The following CCSER1 variants were observed in gnomAD, a reference collection of about 807,000 sequenced individuals.
CCSER1 encodes the protein coiled-coil serine rich protein 1.
A neutral mutation model predicts 82.0 loss-of-function variants in CCSER1; 41 were observed. The ratio of observed to expected loss-of-function variants is 0.50; its 90% confidence interval spans 0.39 to 0.65. CCSER1 has a LOEUF of 0.65. CCSER1 is among the 30% of genes least tolerant of loss of function. The pLI is 0.00. For missense variants in CCSER1, 1,119 were observed against 1,064.2 expected (o/e 1.05, Z -0.72); for synonymous variants, 414 against 383.9 (o/e 1.08, Z -0.92).
At chr4:90,918,186 G>C (rs1253503825) in intron 8 of CCSER1, 1 of 441,362 alleles carries the variant, frequency 2.3e-6, no homozygotes, top group African/African-American at 2.0e-5. Context: ...ACTAGTGTCT[G>C]TTAATTGTAT....
At chr4:90,247,982 A>G (rs1435713397) in intron 1 of CCSER1, among the ~76,000 whole-genome samples, 2 of 152,180 alleles carry the variant, frequency 1.3e-5, no homozygotes, top group African/African-American at 4.8e-5. Context: ...GTCAAAAAAT[A>G]CGACAGAGAC....
intron 1 of CCSER1, among the ~76,000 whole-genome samples, chr4:90,228,740 G>T (rs1743790954): frequency 6.6e-6 from 1 of 152,160 alleles, no homozygotes; most frequent in South Asian, 2.1e-4. Flanking sequence ...TTAGAAGAAT[G>T]TATAACTAGA....
chr4:91,322,319 ATAATG>A (rs1428684681), intron 10 of CCSER1, among the ~76,000 whole-genome samples: 1 of 152,114 alleles, frequency 6.6e-6, no homozygotes, highest in East Asian at 1.9e-4. Context: ...TCCCAATTCA[ATAATG>A]TAAACAATTG....
At chr4:90,616,083 T>G (rs1721130682) in intron 5 of CCSER1, among the ~76,000 whole-genome samples, 1 of 152,240 alleles carries the variant, frequency 6.6e-6, no homozygotes, top group African/African-American at 2.4e-5. Flanking sequence ...AATAAATTAT[T>G]TTTAAATTAA....
chr4:90,510,067 T>G (rs546384360), intron 5 of CCSER1, among the ~76,000 whole-genome samples: 42 of 152,260 alleles, frequency 2.8e-4, no homozygotes, highest in African/African-American at 9.9e-4. Flanking sequence ...CATTTCTCCT[T>G]AGATGTGCTC....
chr4:90,701,619 A>G (rs1265845832), intron 6 of CCSER1, among the ~76,000 whole-genome samples: 2 of 152,236 alleles, frequency 1.3e-5, no homozygotes, highest in African/African-American at 2.4e-5. Context: ...ACCCATGAGC[A>G]TGGAATGTTC....
intron 10 of CCSER1, among the ~76,000 whole-genome samples, chr4:91,441,719 A>G (rs1283101893): frequency 6.6e-6 from 1 of 152,014 alleles, no homozygotes; most frequent in African/African-American, 2.4e-5. Flanking sequence ...TATCTAGAAA[A>G]CCCCATTGTC....
intron 10 of CCSER1, among the ~76,000 whole-genome samples, chr4:91,187,327 T>C (rs1458166421): frequency 2.0e-5 from 3 of 152,236 alleles, no homozygotes; most frequent in Non-Finnish European, 1.5e-5. Flanking sequence ...TATCTGTCCA[T>C]TTCTTTTTAC....
intron 10 of CCSER1, among the ~76,000 whole-genome samples, chr4:91,558,586 G>C (rs185636492): frequency 6.6e-6 from 1 of 151,580 alleles, no homozygotes. Flanking sequence ...AGAAAAAGAG[G>C]TTTAATTGGA....
intron 9 of CCSER1, among the ~76,000 whole-genome samples, chr4:90,991,233 A>C (rs912740015): frequency 6.6e-6 from 1 of 151,788 alleles, no homozygotes; most frequent in African/African-American, 2.4e-5. Flanking sequence ...TAAGCCACTC[A>C]TATCCTAAGA....
At chr4:91,570,303 G>C (rs955543877) in intron 10 of CCSER1, among the ~76,000 whole-genome samples, 1 of 147,386 alleles carries the variant, frequency 6.8e-6, no homozygotes, top group Non-Finnish European at 1.5e-5. Context: ...CTGGGGCCTG[G>C]AGGATGTGGC....
intron 10 of CCSER1, among the ~76,000 whole-genome samples, chr4:91,337,847 A>G (rs1747425583): frequency 6.6e-6 from 1 of 152,148 alleles, no homozygotes; most frequent in East Asian, 1.9e-4. Context: ...TAGTGGGACA[A>G]TCAGGACACT....
intron 7 of CCSER1, among the ~76,000 whole-genome samples, chr4:90,770,576 A>G (rs1377338757): frequency 6.6e-6 from 1 of 152,192 alleles, no homozygotes; most frequent in African/African-American, 2.4e-5. Context: ...TCTTATGTTA[A>G]CTATTATTTC....
chr4:90,575,980 T>C (rs1382413183), intron 5 of CCSER1, among the ~76,000 whole-genome samples: 1 of 152,144 alleles, frequency 6.6e-6, no homozygotes, highest in Non-Finnish European at 1.5e-5. Flanking sequence ...GTAAGCCCTT[T>C]TACTCTGGAA....
At position 91,024,043 on chromosome 4, in the gene CCSER1, G is replaced by T. The variant is rs78773993; in HGVS notation, c.2173-61907G>T. Among the ~76,000 whole-genome samples the T allele has an allele frequency of 2.6e-3, 393 of 152,246 alleles. 2 individuals carry two copies. Among genetic ancestry groups the T allele is most frequent in the African/African-American group, 9.2e-3 (381 of 41,544 alleles). On this transcript the variant is annotated intron_variant, in intron 9 of 10. Transcript: ENST00000509176. ...GCAGCACAGTGTATCCCATGGCAAG[G>T]AGACTGACAGTGCTAACATGCTAGC...
At chr4:91,038,549 G>A (rs946319679) in intron 9 of CCSER1, among the ~76,000 whole-genome samples, 2 of 152,142 alleles carry the variant, frequency 1.3e-5, no homozygotes, top group African/African-American at 4.8e-5. Context: ...GATGAATAAA[G>A]AACAAAATAT....
intron 10 of CCSER1, among the ~76,000 whole-genome samples, chr4:91,102,487 C>T (rs537023810): frequency 4.6e-5 from 7 of 152,142 alleles, no homozygotes; most frequent in East Asian, 1.9e-4. Flanking sequence ...AGCTTTACAG[C>T]GGATTTTACA....
intron 9 of CCSER1, among the ~76,000 whole-genome samples, chr4:90,961,848 G>A (rs1004105043): frequency 6.6e-6 from 1 of 151,974 alleles, no homozygotes; most frequent in Admixed American, 6.6e-5. Flanking sequence ...TGATCTGAAA[G>A]TTGACAATAG....
chr4:91,204,069 T>C (rs1736143229), intron 10 of CCSER1, among the ~76,000 whole-genome samples: 2 of 151,988 alleles, frequency 1.3e-5, no homozygotes, highest in South Asian at 4.1e-4. Context: ...TAACTAAATA[T>C]TTGAACCAGA....
Sources: gnomAD v4.1 joint callset for allele counts (sites outside exome capture counted in the v4.1 genomes callset) on GRCh38, gnomAD v4.1.1 for gene constraint, MANE v1.5 for transcripts, NCBI Gene and HGNC (gene_info 2026-07-23, HGNC 2026-07-21) for gene names.